NRXN1: variants seen among roughly 807,000 people sequenced by gnomAD.
NRXN1 encodes neurexin 1.
A neutral mutation model predicts 150.9 loss-of-function variants in NRXN1; 39 were observed. That is an observed-to-expected ratio of 0.26 (90% CI 0.20 to 0.34). The LOEUF is 0.34. Ranked by LOEUF, NRXN1 falls within the 10% of genes least tolerant of loss-of-function variation. NRXN1 has a pLI of 1.00. For missense variants in NRXN1, 1,815 were observed against 1,949.9 expected (o/e 0.93, Z 1.30); for synonymous variants, 924 against 757.0 (o/e 1.22, Z -3.62).
At chr2:50,091,541 A>G in intron 18 of NRXN1, 47 bp from the exon 19 acceptor site, 1 of 1,574,356 alleles carries the variant, frequency 6.4e-7, no homozygotes, top group Non-Finnish European at 8.7e-7. Flanking sequence ...TTGACTAGTC[A>G]CCATTTAATA....
chr2:50,094,203 C>T (rs1459860032), intron 18 of NRXN1, among the ~76,000 whole-genome samples: 1 of 152,168 alleles, frequency 6.6e-6, no homozygotes, highest in Non-Finnish European at 1.5e-5. Flanking sequence ...GTCAAAAACA[C>T]ATTACTGTTT....
At chr2:50,655,102 T>C (rs1187075056) in intron 5 of NRXN1, among the ~76,000 whole-genome samples, 2 of 151,898 alleles carry the variant, frequency 1.3e-5, no homozygotes, top group East Asian at 3.9e-4. Context: ...TGGCCAATTT[T>C]AGAGATGCAA....
chr2:50,068,155 G>A (rs548193526), intron 19 of NRXN1, among the ~76,000 whole-genome samples: 101 of 152,108 alleles, frequency 6.6e-4, no homozygotes, highest in Admixed American at 1.8e-3. Context: ...TCTTCCAGTT[G>A]TAACTGGAAT....
chr2:50,510,155 A>C (rs2092395277), intron 12 of NRXN1, among the ~76,000 whole-genome samples: 3 of 152,180 alleles, frequency 2.0e-5, no homozygotes. Flanking sequence ...CAGCCCAAGA[A>C]GACTAACACA....
chr2:50,469,452 A>G (rs926165585), intron 16 of NRXN1, among the ~76,000 whole-genome samples: 4 of 151,568 alleles, frequency 2.6e-5, no homozygotes, highest in African/African-American at 9.7e-5. Context: ...TCCTCACAAG[A>G]TATTATTAGG....
intron 15 of NRXN1, among the ~76,000 whole-genome samples, chr2:50,495,512 C>A (rs181424308): frequency 4.6e-4 from 70 of 151,660 alleles, no homozygotes; most frequent in Non-Finnish European, 8.4e-4. Flanking sequence ...TCCAGGAAAC[C>A]TTACCAAGGA....
At chr2:50,083,555 A>C (rs1228161395) in intron 19 of NRXN1, among the ~76,000 whole-genome samples, 1 of 152,194 alleles carries the variant, frequency 6.6e-6, no homozygotes, top group Non-Finnish European at 1.5e-5. Flanking sequence ...GATTTATTGC[A>C]AACAGCAAAA....
At chr2:50,367,340 CA>C (rs1258712474) in intron 17 of NRXN1, among the ~76,000 whole-genome samples, 1 of 151,982 alleles carries the variant, frequency 6.6e-6, no homozygotes, top group African/African-American at 2.4e-5. Flanking sequence ...CACTTTCAAC[CA>C]GGAGGTATCT....
At chr2:50,735,099 TAAAG>T (rs1698565081) in intron 5 of NRXN1, among the ~76,000 whole-genome samples, 1 of 152,176 alleles carries the variant, frequency 6.6e-6, no homozygotes, top group Admixed American at 6.5e-5. Context: ...TTTAAAAGCT[TAAAG>T]AAAAGCCAGA....
chr2:50,844,763 G>C (rs1018753867), intron 5 of NRXN1, among the ~76,000 whole-genome samples: 2 of 152,096 alleles, frequency 1.3e-5, no homozygotes, highest in African/African-American at 4.8e-5. Context: ...CACACTACCA[G>C]AGGCCAGAGC....
At chr2:50,155,786 A>G (rs2058982014) in intron 18 of NRXN1, among the ~76,000 whole-genome samples, 1 of 151,686 alleles carries the variant, frequency 6.6e-6, no homozygotes, top group South Asian at 2.1e-4. Context: ...GTGTATTCAT[A>G]TAAACTATAT....
intron 1 of NRXN1, among the ~76,000 whole-genome samples, chr2:51,031,621 C>G (rs777198251): frequency 2.6e-5 from 4 of 152,080 alleles, no homozygotes; most frequent in Admixed American, 2.6e-4. Flanking sequence ...TCTTGGAGCT[C>G]GGGGTCTACT....
intron 18 of NRXN1, among the ~76,000 whole-genome samples, chr2:50,142,046 A>G (rs1419227248): frequency 6.6e-6 from 1 of 152,112 alleles, no homozygotes; most frequent in Non-Finnish European, 1.5e-5. Context: ...AAGACATGGA[A>G]TCAATCAAAG....
At chr2:50,981,018 C>T (rs1425007927) in intron 2 of NRXN1, among the ~76,000 whole-genome samples, 1 of 152,066 alleles carries the variant, frequency 6.6e-6, no homozygotes, top group Admixed American at 6.6e-5. Flanking sequence ...ATGTATGCAG[C>T]ACCACATTAC....
At chr2:51,010,056 C>T (rs944726105) in intron 2 of NRXN1, among the ~76,000 whole-genome samples, 1 of 151,890 alleles carries the variant, frequency 6.6e-6, no homozygotes, top group South Asian at 2.1e-4. Flanking sequence ...CATTCTACTA[C>T]GTTTAAGACA....
intron 2 of NRXN1, among the ~76,000 whole-genome samples, chr2:51,019,645 C>T (rs1436994375): frequency 6.6e-6 from 1 of 152,054 alleles, no homozygotes; most frequent in Non-Finnish European, 1.5e-5. Flanking sequence ...TGAACTCTTA[C>T]AAAATACTCA....
Position 50,527,059 on chromosome 2 carries a change from T to C in NRXN1, c.2374+1566A>G, listed in dbSNP as rs74880113. 4.2e-3 allele frequency among the ~76,000 whole-genome samples: 641 copies of C among 152,350 alleles called. 11 individuals are homozygous for C. The East Asian group carries it at 0.068, about 16-fold the overall frequency. On this transcript the variant is annotated intron_variant, in intron 12 of 22. Coordinates refer to ENST00000401669, the MANE Select transcript of NRXN1 (RefSeq NM_001330078.2). ...TTTGAATAATTTTCATTAATTGCTA[T>C]ACTTTGCATAGTTATATTTTGTAAA...
At chr2:50,793,887 T>C (rs1706418959) in intron 5 of NRXN1, among the ~76,000 whole-genome samples, 1 of 152,060 alleles carries the variant, frequency 6.6e-6, no homozygotes. Context: ...TAGCAGCTTA[T>C]ATTTCAATGA....
intron 2 of NRXN1, among the ~76,000 whole-genome samples, chr2:50,932,671 G>A (rs113625702): frequency 2.0e-5 from 3 of 151,866 alleles, no homozygotes; most frequent in Non-Finnish European, 2.9e-5. Flanking sequence ...CTCAGAAATC[G>A]CCACTAAAGA....
Sources: allele counts gnomAD v4.1 joint callset (sites outside exome capture counted in the v4.1 genomes callset), GRCh38; gene constraint gnomAD v4.1.1; transcripts MANE v1.5; gene names NCBI Gene and HGNC (gene_info 2026-07-23, HGNC 2026-07-21).